RBM4B: variants seen among roughly 807,000 people sequenced by gnomAD.
RBM4B encodes RNA-binding protein 4B.
RBM4B carries 13 observed loss-of-function variants against 28.5 expected under a neutral mutation model. That is an observed-to-expected ratio of 0.46 (90% CI 0.30 to 0.72). RBM4B has a LOEUF of 0.72. Ranked by LOEUF, RBM4B falls within the 30% of genes least tolerant of loss-of-function variation. The pLI is 0.09. For missense variants in RBM4B, 387 were observed against 477.6 expected (o/e 0.81, Z 1.77); for synonymous variants, 167 against 179.1 (o/e 0.93, Z 0.54).
rs780748448 is a variant in RBM4B, at chr11:66,669,062, T to C, written c.642A>G (p.Ala214=). ...GCTTATAGTAGTCGAGTGCTCCATA[T>C]GCATCGTTGTAATACATGGATTCCC... ...GYGESMYYND[A]YGALDYYKRY... The change falls in exon 3 of 4, where the codon GCA becomes GCG. Residue 214 remains alanine (A), a synonymous_variant. Coordinates refer to ENST00000310046, the MANE Select transcript of RBM4B (RefSeq NM_031492.4). 1.9e-6 allele frequency: 3 copies of C among 1,614,072 alleles called. No homozygotes were observed. Among genetic ancestry groups the C allele is most frequent in the South Asian group, 2.2e-5 (2 of 91,094 alleles).
At chr11:66,677,270 G>T (rs961510576) in intron 1 of RBM4B, 179 bp from the exon 2 acceptor site, 5 of 753,840 alleles carry the variant, frequency 6.6e-6, no homozygotes, top group Non-Finnish European at 1.0e-5. Flanking sequence ...AGCTATGCGT[G>T]ACATGCAAAC....
chr11:66,665,844 T>G (rs1482246488), intron 3 of RBM4B: 2 of 1,521,660 alleles, frequency 1.3e-6, no homozygotes, highest in Admixed American at 4.0e-5. Context: ...ATCTTTCTTA[T>G]CCATCTTTTA....
At chr11:66,677,141 T>G in intron 1 of RBM4B, 50 bp from the exon 2 acceptor site, 1 of 1,581,250 alleles carries the variant, frequency 6.3e-7, no homozygotes, top group African/African-American at 1.4e-5. Context: ...GTGGGAAATT[T>G]CGGTGCACTG....
At position 66,672,694 on chromosome 11, in the gene RBM4B, A is replaced by G. The variant is rs1387058488; in HGVS notation, c.413-3403T>C. On this transcript the variant is annotated intron_variant, in intron 2 of 3. Coordinates refer to ENST00000310046, the MANE Select transcript of RBM4B (RefSeq NM_031492.4). Reference sequence around the variant, plus strand: ...CTATTTTTAGTGGAGACGAGGTTTCACCATGTTGGCCAGGCTGGTCTCGAA... The same window carrying G: ...CTATTTTTAGTGGAGACGAGGTTTCGCCATGTTGGCCAGGCTGGTCTCGAA... 7.2e-5 allele frequency among the ~76,000 whole-genome samples: 11 copies of G among 151,842 alleles called. No individual in the cohort carries two copies. The East Asian group carries it at 2.1e-3, about 29-fold the overall frequency.
intron 3 of RBM4B, chr11:66,666,049 C>A: frequency 8.3e-7 from 1 of 1,211,262 alleles, no homozygotes; most frequent in South Asian, 1.5e-5. Context: ...AAATGATGGT[C>A]ACAAGGGGTA....
chr11:66,669,767 A>G (rs887320056), intron 2 of RBM4B, among the ~76,000 whole-genome samples: 1 of 152,232 alleles, frequency 6.6e-6, no homozygotes, highest in African/African-American at 2.4e-5. Flanking sequence ...TTTAATACAG[A>G]TGAGAGCTAG....
rs1356657570 is a variant in RBM4B, at chr11:66,666,076, C to T, written c.*10-498G>A. ...CAAGGGGTAGGATATCAAGGAGCAG[C>T]CAGTCATTCACCCAATTCCAACACA... On this transcript the variant is annotated intron_variant, in intron 3 of 3. Transcript: ENST00000310046. 2.0e-6 allele frequency: 2 copies of T among 999,858 alleles called. 1 individual carries two copies. Among genetic ancestry groups the T allele is most frequent in the Non-Finnish European group, 2.9e-6 (2 of 698,000 alleles). The allele number at this position is 999,858 out of a possible 1,614,324, so 61.9% of individuals were successfully genotyped here. A position where few individuals can be genotyped will look rare whatever the true frequency, so the allele number is the denominator to read the frequency against.
At chr11:66,676,386 A>G (rs770049912) in intron 2 of RBM4B, 2 of 553,232 alleles carry the variant, frequency 3.6e-6, no homozygotes, top group Non-Finnish European at 6.3e-6. Context: ...CAAGCAGATT[A>G]CACTTCCAAC....
rs1939223109 is a variant in RBM4B at position 66,666,106 on chromosome 11, C to T, written c.*10-528G>A. 39 of 825,742 alleles carry T rather than the reference C, an allele frequency of 4.7e-5. No individual in the cohort carries two copies. The South Asian group carries it at 5.4e-4, about 11-fold the overall frequency. The allele number at this position is 825,742 out of a possible 1,614,324, so 51.2% of individuals were successfully genotyped here. A position where few individuals can be genotyped will look rare whatever the true frequency, so the allele number is the denominator to read the frequency against. Reference sequence around the variant, plus strand: ...CATTCACCCAATTCCAACACACCTACATGTCACACTGTCACAGAGTGAGAG... The same window carrying T: ...CATTCACCCAATTCCAACACACCTATATGTCACACTGTCACAGAGTGAGAG... On this transcript the variant is annotated intron_variant, in intron 3 of 3. Transcript: ENST00000310046.
intron 2 of RBM4B, among the ~76,000 whole-genome samples, chr11:66,672,465 G>A (rs1174720502): frequency 2.0e-5 from 3 of 147,724 alleles, no homozygotes; most frequent in East Asian, 3.9e-4. Flanking sequence ...TCCTTCCAAC[G>A]GTTATAATTA....
At chr11:66,677,346 A>G in intron 1 of RBM4B, 1 of 544,372 alleles carries the variant, frequency 1.8e-6, no homozygotes, top group South Asian at 2.4e-5. Flanking sequence ...GCAATGAAAT[A>G]CCAGAATTAG....
chr11:66,677,249 C>G, intron 1 of RBM4B, 158 bp from the exon 2 acceptor site: 1 of 893,390 alleles, frequency 1.1e-6, no homozygotes, highest in Non-Finnish European at 1.7e-6. Context: ...GGTTTGTTCT[C>G]GAGAAGTGCG....
At chr11:66,665,923 C>A in intron 3 of RBM4B, 1 of 1,535,440 alleles carries the variant, frequency 6.5e-7, no homozygotes, top group South Asian at 1.2e-5. Context: ...TTTTCAAGAA[C>A]TGCAATTTAA....
intron 3 of RBM4B, 25 bp downstream of exon 3, chr11:66,668,590 T>C (rs545787285): frequency 1.3e-6 from 2 of 1,559,260 alleles, no homozygotes; most frequent in Admixed American, 3.5e-5. Context: ...ATGGAATCTT[T>C]TAACCATTCC....
At chr11:66,676,566 C>T in intron 2 of RBM4B, 102 bp downstream of exon 2, 1 of 1,331,920 alleles carries the variant, frequency 7.5e-7, no homozygotes, top group South Asian at 1.4e-5. Flanking sequence ...CCAGCTAAAA[C>T]AGAATGGAAG....
chr11:66,674,260 G>A (rs1205683739), intron 2 of RBM4B, among the ~76,000 whole-genome samples: 1 of 119,462 alleles, frequency 8.4e-6, no homozygotes, highest in African/African-American at 3.3e-5. Context: ...GTCTTGCTCT[G>A]TCCCCCAGGC....
At chr11:66,666,150 CCCT>C in intron 3 of RBM4B, 6 of 735,892 alleles carry the variant, frequency 8.2e-6, no homozygotes, top group Non-Finnish European at 1.2e-5. Context: ...CCAGTAGTTC[CCCT>C]AATTGACCAA....
intron 2 of RBM4B, among the ~76,000 whole-genome samples, chr11:66,674,227 T>G (rs1280706322): frequency 6.6e-6 from 1 of 151,108 alleles, no homozygotes; most frequent in Non-Finnish European, 1.5e-5. Context: ...TTTCTTTTCT[T>G]TCTTTTTTTT....
At chr11:66,676,621 G>A (rs1237097223) in intron 2 of RBM4B, 47 bp downstream of exon 2, 21 of 1,598,980 alleles carry the variant, frequency 1.3e-5, no homozygotes, top group Non-Finnish European at 1.6e-5. Flanking sequence ...TGCCTGTTTT[G>A]AGCTAGACCC....
Sources: gnomAD v4.1 joint callset for allele counts (sites outside exome capture counted in the v4.1 genomes callset) on GRCh38, gnomAD v4.1.1 for gene constraint, MANE v1.5 for transcripts, NCBI Gene and HGNC (gene_info 2026-07-23, HGNC 2026-07-21) for gene names.